The following PDLIM5 variants were observed in gnomAD, a reference collection of about 807,000 sequenced individuals.
PDLIM5 encodes PDZ and LIM domain 5.
Under a neutral mutation model 64.2 loss-of-function variants are expected in PDLIM5, and 34 were observed. The ratio of observed to expected loss-of-function variants is 0.53; its 90% CI spans 0.40 to 0.71. The LOEUF (loss-of-function observed/expected upper bound fraction) is 0.71, where lower values mean the gene tolerates loss of function less well. Ranked by LOEUF, PDLIM5 falls within the 30% of genes least tolerant of loss-of-function variation. The probability of loss-of-function intolerance (pLI) is 0.00; values close to 1 mark genes in which losing one functional copy is unlikely to be tolerated. For missense variants in PDLIM5, 683 were observed against 733.6 expected (o/e 0.93, Z 0.80); for synonymous variants, 253 against 269.1 (o/e 0.94, Z 0.59).
intron 3 of PDLIM5, among the ~76,000 whole-genome samples, chr4:94,557,656 C>T (rs1177200844): frequency 2.0e-5 from 3 of 152,096 alleles, no homozygotes; most frequent in African/African-American, 7.2e-5. Context: ...GTATTTTATT[C>T]TCTTTGGAGC....
rs1742999943 is a variant in PDLIM5 at position 94,664,965 on chromosome 4, A to G, written c.*898A>G. Reference sequence around the variant, plus strand: ...ATTTTTTATCAAAATGTGTCATGCCAGTAAGAGATGTTATATTCTTTTCTC... The same window carrying G: ...ATTTTTTATCAAAATGTGTCATGCCGGTAAGAGATGTTATATTCTTTTCTC... On this transcript the variant is annotated 3_prime_UTR_variant, in exon 13 of 13. Transcript: ENST00000317968. 1.0e-6 allele frequency: 1 copy of G among 981,516 alleles called. No individual in the cohort carries two copies. Among genetic ancestry groups the G allele is most frequent in the Non-Finnish European group, 1.2e-6 (1 of 826,466 alleles). The allele number at this position is 981,516 out of a possible 1,614,324, so 60.8% of individuals were successfully genotyped here.
chr4:94,489,244 C>G (rs184690459), intron 2 of PDLIM5, among the ~76,000 whole-genome samples: 19 of 152,248 alleles, frequency 1.2e-4, no homozygotes, highest in African/African-American at 4.1e-4. Flanking sequence ...CCGGGCCTAT[C>G]TATGTCAGTC....
chr4:94,593,475 A>G (rs537681647), intron 7 of PDLIM5, among the ~76,000 whole-genome samples: 45 of 152,046 alleles, frequency 3.0e-4, no homozygotes, highest in African/African-American at 1.0e-3. Flanking sequence ...GTGTATGGCC[A>G]CTGTCTCACT....
At chr4:94,517,144 C>T (rs570872137) in intron 2 of PDLIM5, among the ~76,000 whole-genome samples, 31 of 152,170 alleles carry the variant, frequency 2.0e-4, no homozygotes, top group South Asian at 1.7e-3. Flanking sequence ...AAAACTTCAC[C>T]GGGATTTTAT....
rs892746316 is a variant in PDLIM5 at position 94,512,792 on chromosome 4, C to T, written c.97-10932C>T. On this transcript the variant is annotated intron_variant, in intron 2 of 12. Coordinates refer to ENST00000317968, the MANE Select transcript of PDLIM5 (RefSeq NM_006457.5). ...GATGCCTATGCTAGTAGGGTATTGC[C>T]GAAGAAATTTTTGCCCAGACCAATG... Among the ~76,000 whole-genome samples, 7 of 152,044 alleles carry T rather than the reference C, an allele frequency of 4.6e-5. No homozygotes were observed. The East Asian group carries it at 7.7e-4, about 17-fold the overall frequency.
At chr4:94,471,689 A>G (rs1724883482) in intron 2 of PDLIM5, among the ~76,000 whole-genome samples, 1 of 152,172 alleles carries the variant, frequency 6.6e-6, no homozygotes, top group Non-Finnish European at 1.5e-5. Flanking sequence ...CAAATTACTG[A>G]ACAGTGCCCC....
rs111972995 is a variant in PDLIM5 at position 94,559,209 on chromosome 4, T to G, written c.249-14142T>G. Among the ~76,000 whole-genome samples, 727 of 152,346 alleles carry G rather than the reference T, an allele frequency of 4.8e-3. 5 individuals carry two copies. Among genetic ancestry groups the G allele is most frequent in the Non-Finnish European group, 7.8e-3 (534 of 68,030 alleles). The stretch of plus-strand genomic sequence containing the variant: ...CGGAAACTAGTTTCTTAGTATCCAA[T>G]TTTATTGAACATAGGCTACAGCAAG... On this transcript the variant is annotated intron_variant, in intron 3 of 12. Coordinates refer to ENST00000317968, the MANE Select transcript of PDLIM5 (RefSeq NM_006457.5).
rs762615668 is a variant in PDLIM5 at position 94,456,479 on chromosome 4, T to C, written c.96+1095T>C. The C allele has an allele frequency of 2.0e-5, 14 of 702,182 alleles. No individual in the cohort carries two copies. The South Asian group carries it at 2.1e-4, about 10-fold the overall frequency. 43.5% of individuals were successfully genotyped at this position (702,182 alleles called of 1,614,324 possible). ...TCCCAAAGTGCTAAGATTACAGGCGTGAGCCACCGTGCCTGGCCCACACTG... is the reference window on the plus strand; with the variant it reads ...TCCCAAAGTGCTAAGATTACAGGCGCGAGCCACCGTGCCTGGCCCACACTG... On this transcript the variant is annotated intron_variant, in intron 2 of 12. Transcript: ENST00000317968.
intron 7 of PDLIM5, among the ~76,000 whole-genome samples, chr4:94,617,390 C>G (rs1738863322): frequency 1.3e-5 from 2 of 151,782 alleles, no homozygotes; most frequent in South Asian, 4.1e-4. Context: ...ATGCATAACA[C>G]TGGGTGTTCT....
At position 94,664,315 on chromosome 4, in the gene PDLIM5, A is replaced by G. The variant is rs900420482; in HGVS notation, c.*248A>G. ...CATAAAATAAGCTTTATAAAAACCAATTTCCTGATGGACTATTAAATTCAT... is the reference window on the plus strand; with the variant it reads ...CATAAAATAAGCTTTATAAAAACCAGTTTCCTGATGGACTATTAAATTCAT... On this transcript the variant is annotated 3_prime_UTR_variant, in exon 13 of 13. Transcript: ENST00000317968. 1.4e-5 allele frequency: 11 copies of G among 785,860 alleles called. No individual in the cohort carries two copies. The highest frequency in any genetic ancestry group is 1.1e-4 in the African/African-American group (6 of 54,260). The allele number at this position is 785,860 out of a possible 1,614,324, so 48.7% of individuals were successfully genotyped here.
chr4:94,587,288 A>AG, intron 7 of PDLIM5: 1 of 1,345,460 alleles, frequency 7.4e-7, no homozygotes, highest in Non-Finnish European at 9.5e-7. Context: ...AAAACCAAAA[A>AG]AAAAAAAAAA....
At chr4:94,581,236 T>G (rs1487292836) in intron 5 of PDLIM5, among the ~76,000 whole-genome samples, 1 of 152,212 alleles carries the variant, frequency 6.6e-6, no homozygotes, top group Non-Finnish European at 1.5e-5. Flanking sequence ...TGGGCACATT[T>G]TCTAAAATAT....
intron 2 of PDLIM5, among the ~76,000 whole-genome samples, chr4:94,471,202 T>C (rs1253515386): frequency 6.6e-6 from 1 of 152,166 alleles, no homozygotes; most frequent in Non-Finnish European, 1.5e-5. Context: ...TTTTATAAAT[T>C]CAGGGTAGCA....
chr4:94,564,367 C>T (rs980942438), intron 3 of PDLIM5, among the ~76,000 whole-genome samples: 1 of 152,190 alleles, frequency 6.6e-6, no homozygotes, highest in Non-Finnish European at 1.5e-5. Context: ...CTTTATCTCT[C>T]ACTGCTTTCC....
At chr4:94,556,778 T>G (rs1253228360) in intron 3 of PDLIM5, among the ~76,000 whole-genome samples, 1 of 152,202 alleles carries the variant, frequency 6.6e-6, no homozygotes, top group Admixed American at 6.5e-5. Context: ...TAAATTTGTT[T>G]GAGTTCTTTG....
chr4:94,657,093 T>C (rs1742270412), intron 10 of PDLIM5, among the ~76,000 whole-genome samples: 1 of 152,154 alleles, frequency 6.6e-6, no homozygotes, highest in South Asian at 2.1e-4. Context: ...TGACACCCTT[T>C]GAGAAGAAGC....
At chr4:94,538,826 C>T (rs748804217) in intron 3 of PDLIM5, among the ~76,000 whole-genome samples, 1 of 152,166 alleles carries the variant, frequency 6.6e-6, no homozygotes, top group Non-Finnish European at 1.5e-5. Flanking sequence ...CCTCTCTCAA[C>T]TGTACATATG....
chr4:94,452,169 G>A (rs947006912), intron 1 of PDLIM5, among the ~76,000 whole-genome samples, 174 bp downstream of exon 1: 1 of 152,186 alleles, frequency 6.6e-6, no homozygotes, highest in African/African-American at 2.4e-5. Flanking sequence ...GGCGGAGGTG[G>A]GAGAGCAGCT....
intron 8 of PDLIM5, among the ~76,000 whole-genome samples, chr4:94,636,830 G>A (rs906332491): frequency 7.2e-5 from 11 of 151,906 alleles, no homozygotes; most frequent in African/African-American, 1.9e-4. Context: ...CCACCGCGCC[G>A]GGCCACTCAT....
Sources: gnomAD v4.1 joint callset for allele counts (sites outside exome capture counted in the v4.1 genomes callset) on GRCh38, gnomAD v4.1.1 for gene constraint, MANE v1.5 for transcripts, NCBI Gene and HGNC (gene_info 2026-07-23, HGNC 2026-07-21) for gene names.